HTRA1: variants seen among roughly 807,000 people sequenced by gnomAD.
The protein encoded by HTRA1 is serine protease HTRA1.
Under a neutral mutation model 49.7 loss-of-function variants are expected in HTRA1, and 26 were observed. That is an observed-to-expected ratio of 0.52 (90% confidence interval 0.38 to 0.73). The LOEUF is 0.73. Ranked by LOEUF, HTRA1 falls within the 30% of genes least tolerant of loss-of-function variation. The pLI is 0.00. For missense variants in HTRA1, 561 were observed against 667.2 expected, an observed-to-expected ratio of 0.84 and a Z score of 1.75; for synonymous variants, 291 against 286.9, an observed-to-expected ratio of 1.01 and a Z score of -0.14.
At chr10:122,475,473 C>T (rs2097488036) in intron 1 of HTRA1, among the ~76,000 whole-genome samples, 1 of 152,232 alleles carries the variant, frequency 6.6e-6, no homozygotes, top group Admixed American at 6.5e-5. Flanking sequence ...TGTTTCTATG[C>T]AAAAGACAGA....
rs145102369 is a variant in HTRA1, at chr10:122,501,085, C to T, written c.778-5606C>T. Among the ~76,000 whole-genome samples, 1,035 of 152,282 alleles carry T rather than the reference C, an allele frequency of 6.8e-3. 11 individuals carry two copies. Among genetic ancestry groups the T allele is most frequent in the African/African-American group, 0.023 (951 of 41,554 alleles). On this transcript the variant is annotated intron_variant, in intron 3 of 8. Transcript: ENST00000368984. ...TTGGGGTCAGGGAGGGTCCCAGTCC[C>T]GGTACCACCCCCACCTGCTGTGGGA...
At chr10:122,484,268 G>A (rs962328930) in intron 1 of HTRA1, among the ~76,000 whole-genome samples, 2 of 152,300 alleles carry the variant, frequency 1.3e-5, no homozygotes, top group East Asian at 3.9e-4. Flanking sequence ...TGGTTGCTTC[G>A]TCAGGTTTAA....
chr10:122,465,168 G>A (rs966611643), intron 1 of HTRA1, among the ~76,000 whole-genome samples: 2 of 152,136 alleles, frequency 1.3e-5, no homozygotes, highest in African/African-American at 2.4e-5. Flanking sequence ...TCTGCTCACC[G>A]CTCTGGAAAT....
At chr10:122,470,081 T>G (rs2097485466) in intron 1 of HTRA1, among the ~76,000 whole-genome samples, 1 of 152,226 alleles carries the variant, frequency 6.6e-6, no homozygotes, top group Non-Finnish European at 1.5e-5. Context: ...TAAATGTCAC[T>G]TAGGTCTAGT....
At chr10:122,500,913 C>G (rs939418420) in intron 3 of HTRA1, among the ~76,000 whole-genome samples, 2 of 152,166 alleles carry the variant, frequency 1.3e-5, no homozygotes, top group Admixed American at 6.5e-5. Flanking sequence ...TCCCCTTTGC[C>G]CTGCTCTGTG....
rs373947136 is a variant in HTRA1 at position 122,514,188 on chromosome 10, C to T, written c.1275-3C>T. The T allele has an allele frequency of 3.5e-5, 57 of 1,613,350 alleles. No homozygotes were observed. Among genetic ancestry groups the T allele is most frequent in the Non-Finnish European group, 4.7e-5 (56 of 1,179,722 alleles). On this transcript the variant is annotated splice_region_variant and splice_polypyrimidine_tract_variant and intron_variant, in intron 8 of 8. Coordinates refer to ENST00000368984, the MANE Select transcript of HTRA1 (RefSeq NM_002775.5). Reference sequence around the variant, plus strand: ...TGCCATTGTGTTTCCCTTTGTGTTGCAGTGGTGGTCTCAAGGAAAACGACG... The same window carrying T: ...TGCCATTGTGTTTCCCTTTGTGTTGTAGTGGTGGTCTCAAGGAAAACGACG...
chr10:122,492,630 G>C (rs1401931729), intron 3 of HTRA1, among the ~76,000 whole-genome samples: 1 of 152,176 alleles, frequency 6.6e-6, no homozygotes, highest in African/African-American at 2.4e-5. Context: ...CATTGCGCGT[G>C]GCTGTAAACG....
chr10:122,482,533 G>A (rs1267224443), intron 1 of HTRA1, among the ~76,000 whole-genome samples: 2 of 152,130 alleles, frequency 1.3e-5, no homozygotes, highest in African/African-American at 4.8e-5. Context: ...AGGACCATAA[G>A]GATATGATTT....
chr10:122,476,894 C>T (rs542405565), intron 1 of HTRA1, among the ~76,000 whole-genome samples: 66 of 151,942 alleles, frequency 4.3e-4, no homozygotes, highest in Middle Eastern at 3.4e-3. Flanking sequence ...GGTGTGTCTT[C>T]TCCTCCTGGG....
intron 1 of HTRA1, among the ~76,000 whole-genome samples, chr10:122,463,328 C>T (rs2097482406): frequency 6.6e-6 from 1 of 152,228 alleles, no homozygotes; most frequent in East Asian, 1.9e-4. Context: ...GAGCACAGCC[C>T]TCGGGAAACT....
At chr10:122,493,874 C>T (rs1274537489) in intron 3 of HTRA1, among the ~76,000 whole-genome samples, 1 of 150,560 alleles carries the variant, frequency 6.6e-6, no homozygotes, top group East Asian at 2.0e-4. Flanking sequence ...CCCACCTGCT[C>T]TGCTCAGACA....
chr10:122,479,050 G>A (rs1401172387), intron 1 of HTRA1, among the ~76,000 whole-genome samples: 3 of 152,224 alleles, frequency 2.0e-5, no homozygotes, highest in African/African-American at 7.2e-5. Context: ...TGAATTTTGG[G>A]AACATGCTGT....
chr10:122,498,981 A>G (rs77221291), intron 3 of HTRA1, among the ~76,000 whole-genome samples: 4,341 of 151,884 alleles, frequency 0.029, 114 homozygotes, highest in East Asian at 0.14. Flanking sequence ...CCTGGAAAGG[A>G]TGTAGGCACA....
At chr10:122,473,311 C>G (rs2097486955) in intron 1 of HTRA1, among the ~76,000 whole-genome samples, 1 of 152,136 alleles carries the variant, frequency 6.6e-6, no homozygotes, top group Non-Finnish European at 1.5e-5. Flanking sequence ...GGCTGGAGGT[C>G]ACAAGCTAAG....
chr10:122,489,674 C>G, intron 3 of HTRA1, 48 bp downstream of exon 3: 1 of 1,552,030 alleles, frequency 6.4e-7, no homozygotes, highest in African/African-American at 1.4e-5. Context: ...TGCCCCGGAA[C>G]ACCCTTGGCA....
chr10:122,491,115 G>A (rs1591033396), intron 3 of HTRA1, among the ~76,000 whole-genome samples: 1 of 152,184 alleles, frequency 6.6e-6, no homozygotes, highest in African/African-American at 2.4e-5. Context: ...GGATTATTGG[G>A]CCAGCCTCTG....
In HTRA1 at chr10:122,487,722, AC is replaced by A. The variant is rs1272929060; in HGVS notation, c.473-1178del. On this transcript the variant is annotated intron_variant, in intron 1 of 8. Coordinates refer to ENST00000368984, the MANE Select transcript of HTRA1 (RefSeq NM_002775.5). The surrounding 1 kb of genome is among the most constrained non-coding windows in gnomAD (Gnocchi z 4.8). ...ACCTAGATGGCAGAGCCCACTCCAC[AC>A]CTAGGCCAGATGGCAGAGCCTGTTG... 6.6e-6 allele frequency among the ~76,000 whole-genome samples: 1 copy of A among 152,072 alleles called. No homozygotes were observed. Among genetic ancestry groups the A allele is most frequent in the African/African-American group, 2.4e-5 (1 of 41,394 alleles).
intron 7 of HTRA1, among the ~76,000 whole-genome samples, chr10:122,510,883 G>A (rs2097505262): frequency 6.6e-6 from 1 of 152,240 alleles, no homozygotes; most frequent in Non-Finnish European, 1.5e-5. Flanking sequence ...TTTGATACAT[G>A]TTATGAATGG....
chr10:122,477,171 G>A (rs950874513), intron 1 of HTRA1, among the ~76,000 whole-genome samples: 5 of 152,036 alleles, frequency 3.3e-5, no homozygotes, highest in African/African-American at 9.7e-5. Context: ...GTTTCACTGT[G>A]TTAGCCAGGA....
Sources: gnomAD v4.1 joint callset for allele counts (sites outside exome capture counted in the v4.1 genomes callset) on GRCh38, gnomAD v4.1.1 for gene constraint, Gnocchi (gnomAD v3.1) non-coding constraint, MANE v1.5 for transcripts, NCBI Gene and HGNC (gene_info 2026-07-23, HGNC 2026-07-21) for gene names.